Variants in RAB38 observed in about 807,000 individuals in gnomAD.
The protein encoded by RAB38 is ras-related protein Rab-38.
A neutral mutation model predicts 18.4 loss-of-function variants in RAB38; 15 were observed. The ratio of observed to expected loss-of-function variants is 0.82; its 90% confidence interval spans 0.55 to 1.26. The LOEUF (loss-of-function observed/expected upper bound fraction) is 1.26, where lower values mean the gene tolerates loss of function less well. Among genes scored for constraint, RAB38 ranks in the 50% most tolerant of loss-of-function variants. RAB38 has a pLI of 0.00. For missense variants in RAB38, 294 were observed against 267.4 expected, an observed-to-expected ratio of 1.10 and a Z score of -0.69; for synonymous variants, 101 against 104.4, an observed-to-expected ratio of 0.97 and a Z score of 0.20.
the RAB38 span, among the ~76,000 whole-genome samples, chr11:87,976,515 ATAT>A: frequency 6.5e-3 from 1 of 154 alleles, no homozygotes; most frequent in Non-Finnish European, 0.014. Context: ...TAATATATTT[ATAT>A]TTTATATATA....
chr11:87,843,073 C>G, the RAB38 span, among the ~76,000 whole-genome samples: 1 of 152,106 alleles, frequency 6.6e-6, no homozygotes, highest in African/African-American at 2.4e-5. Context: ...TTTCTCAGCT[C>G]CCAGACTCAT....
the RAB38 span, among the ~76,000 whole-genome samples, chr11:88,104,283 C>A: frequency 6.8e-6 from 1 of 147,168 alleles, no homozygotes; most frequent in Non-Finnish European, 1.5e-5. Flanking sequence ...TAGTTATTTT[C>A]TTACGTTAAA....
At chr11:88,035,736 A>G in the RAB38 span, among the ~76,000 whole-genome samples, 8 of 152,204 alleles carry the variant, frequency 5.3e-5, no homozygotes, top group East Asian at 1.9e-4. Flanking sequence ...TTGAACTCCA[A>G]TTTTTGGGGA....
the RAB38 span, among the ~76,000 whole-genome samples, chr11:88,051,640 G>A: frequency 6.6e-6 from 1 of 152,128 alleles, no homozygotes; most frequent in Non-Finnish European, 1.5e-5. Flanking sequence ...ATGGGAAAAA[G>A]CAATCAACAG....
At chr11:88,024,110 C>T in the RAB38 span, among the ~76,000 whole-genome samples, 1 of 151,938 alleles carries the variant, frequency 6.6e-6, no homozygotes. Context: ...GAAGAGATAA[C>T]CAGTAGAATG....
At chr11:87,866,402 C>A in the RAB38 span, among the ~76,000 whole-genome samples, 1 of 151,708 alleles carries the variant, frequency 6.6e-6, no homozygotes, top group Non-Finnish European at 1.5e-5. Context: ...CATGGCATTG[C>A]TTTATTCTTC....
chr11:88,155,278 C>G (rs188763445), intron 1 of RAB38, among the ~76,000 whole-genome samples: 2 of 152,330 alleles, frequency 1.3e-5, no homozygotes, highest in Non-Finnish European at 2.9e-5. Context: ...AGCCCATTGC[C>G]TGAGGCAACA....
chr11:88,033,005 A>C, the RAB38 span, among the ~76,000 whole-genome samples: 7 of 152,232 alleles, frequency 4.6e-5, no homozygotes, highest in African/African-American at 1.4e-4. Flanking sequence ...AGACTGGATT[A>C]AGAAAATGTG....
At chr11:88,140,402 C>A (rs1234011156) in intron 2 of RAB38, among the ~76,000 whole-genome samples, 2 of 152,160 alleles carry the variant, frequency 1.3e-5, no homozygotes, top group Non-Finnish European at 2.9e-5. Flanking sequence ...ATAAAATAAT[C>A]TTTTGAAAGA....
the RAB38 span, among the ~76,000 whole-genome samples, chr11:87,953,573 ATT>A: frequency 6.6e-6 from 1 of 152,018 alleles, no homozygotes; most frequent in African/African-American, 2.4e-5. Flanking sequence ...AATTGTTTAC[ATT>A]ATTATTATTT....
the RAB38 span, among the ~76,000 whole-genome samples, chr11:87,868,608 A>AGAGAGAGAGAGAGAAAGAGAGAGAAG: frequency 9.7e-6 from 1 of 102,988 alleles, no homozygotes; most frequent in Non-Finnish European, 1.9e-5. Context: ...AGAGAGAGAG[A>AGAGAGAGAGAGAGAAAGAGAGAGAAG]GAGAGAGAGA....
In RAB38 at chr11:88,113,896, T is replaced by C; in HGVS notation, c.*92A>G. On this transcript the variant is annotated 3_prime_UTR_variant, in exon 3 of 3. Coordinates refer to ENST00000243662, the MANE Select transcript of RAB38 (RefSeq NM_022337.3). ...TCTTTGGCTTGCCACATGTGGTATC[T>C]CTATCCTGACGTTTACCCAAAATGG... 1.3e-6 allele frequency: 2 copies of C among 1,488,272 alleles called. No individual in the cohort carries two copies. The highest frequency in any genetic ancestry group is 1.9e-6 in the Non-Finnish European group (2 of 1,076,322). The allele number at this position is 1,488,272 out of a possible 1,614,324, so 92.2% of individuals were successfully genotyped here.
intron 1 of RAB38, 106 bp from the exon 2 acceptor site, chr11:88,150,061 TTCG>T: frequency 8.4e-7 from 1 of 1,190,026 alleles, no homozygotes; most frequent in Middle Eastern, 2.2e-4. Context: ...AGTAAAGTGC[TTCG>T]TCTTTACTGA....
the RAB38 span, among the ~76,000 whole-genome samples, chr11:87,857,885 A>G: frequency 6.6e-6 from 1 of 152,060 alleles, no homozygotes; most frequent in African/African-American, 2.4e-5. Flanking sequence ...CCATTTGTCA[A>G]TTTTGGCTTT....
the RAB38 span, among the ~76,000 whole-genome samples, chr11:88,072,479 A>C: frequency 6.6e-6 from 1 of 152,224 alleles, no homozygotes; most frequent in Admixed American, 6.5e-5. Flanking sequence ...TTGAAATGAC[A>C]GAAGGAGAAG....
At chr11:87,849,233 T>G in the RAB38 span, among the ~76,000 whole-genome samples, 270 of 152,288 alleles carry the variant, frequency 1.8e-3, 4 homozygotes, top group African/African-American at 6.1e-3. Context: ...TGACCCAAGT[T>G]TCTTGGGGTT....
the RAB38 span, among the ~76,000 whole-genome samples, chr11:87,804,719 G>A: frequency 6.6e-6 from 1 of 151,964 alleles, no homozygotes; most frequent in East Asian, 1.9e-4. Context: ...CTTCTGCTGG[G>A]ATATCTGCTG....
the RAB38 span, among the ~76,000 whole-genome samples, chr11:87,847,912 G>A: frequency 6.6e-6 from 1 of 152,044 alleles, no homozygotes; most frequent in Non-Finnish European, 1.5e-5. Context: ...AAAGAGCTAA[G>A]AGAATACAAA....
At chr11:88,015,059 T>G in the RAB38 span, among the ~76,000 whole-genome samples, 1 of 152,116 alleles carries the variant, frequency 6.6e-6, no homozygotes, top group South Asian at 2.1e-4. Flanking sequence ...TGTATTTTTT[T>G]TTTTTTACAA....
Sources: gnomAD v4.1 joint callset for allele counts (sites outside exome capture counted in the v4.1 genomes callset) on GRCh38, gnomAD v4.1.1 for gene constraint, MANE v1.5 for transcripts, NCBI Gene and HGNC (gene_info 2026-07-23, HGNC 2026-07-21) for gene names.